TBC1D32: variants seen among roughly 807,000 people sequenced by gnomAD.
TBC1D32 encodes the protein TBC1 domain family member 32.
In TBC1D32, 151 loss-of-function variants were observed where a neutral mutation model predicts 170.3. That is an observed-to-expected ratio of 0.89 (90% CI 0.78 to 1.01). The LOEUF is 1.01. TBC1D32 is among the 50% of genes least tolerant of loss of function. The pLI is 0.00. For missense variants in TBC1D32, 1,464 were observed against 1,457.1 expected (o/e 1.00, Z -0.08); for synonymous variants, 498 against 488.0 (o/e 1.02, Z -0.27).
At chr6:121,313,105 G>GGTGTGTGTGTGT (rs71018125) in intron 3 of TBC1D32, among the ~76,000 whole-genome samples, 19 of 111,264 alleles carry the variant, frequency 1.7e-4, no homozygotes, top group African/African-American at 4.4e-4. Context: ...AAGCTAAGGT[G>GGTGTGTGTGTGT]GTGTGTGTGT....
At position 121,239,095 on chromosome 6, in the gene TBC1D32, T is replaced by A. The variant is rs774070072; in HGVS notation, c.2339A>T (p.Asp780Val). The stretch of plus-strand genomic sequence containing the variant: ...CTTTTGACAGCTTCGGTCAATAGGA[T>A]CCACTGGAGTAGTTCTGGGATGGGT... ...RVTHPRTTPV[D>V]PIDRSCQKSF... Residue 780 changes from aspartate to valine, a missense_variant, in exon 20 of 32, where the codon GAT (aspartate) becomes GTT (valine). This residue lies in a region of TBC1D32 where 1,363 missense variants were observed against 1,338.1 expected (regional missense o/e 1.02). Coordinates refer to ENST00000398212, the MANE Select transcript of TBC1D32 (RefSeq NM_152730.6). The A allele has an allele frequency of 6.3e-7, 1 of 1,597,908 alleles. No individual in the cohort carries two copies.
intron 15 of TBC1D32, among the ~76,000 whole-genome samples, chr6:121,258,070 A>ATGAAT (rs58516290): frequency 0.88 from 134,074 of 151,748 alleles, 59,677 homozygotes; most frequent in East Asian, 0.98. Context: ...TATTTCTATT[A>ATGAAT]TGAAGATTTA....
intron 29 of TBC1D32, among the ~76,000 whole-genome samples, chr6:121,110,773 G>A (rs1448178693): frequency 6.6e-6 from 1 of 152,146 alleles, no homozygotes; most frequent in Non-Finnish European, 1.5e-5. Context: ...AAGATTGTTA[G>A]TCAAAAACAT....
chr6:121,225,498 T>G lies in TBC1D32; in HGVS notation c.2365-2146A>C, dbSNP rs898915256. Among the ~76,000 whole-genome samples, 4 of 152,154 alleles carry G rather than the reference T, an allele frequency of 2.6e-5. No individual in the cohort carries two copies. In the South Asian group the frequency reaches 6.2e-4, roughly 24 times the overall value. On this transcript the variant is annotated intron_variant, in intron 20 of 31. Transcript: ENST00000398212. ...GAAAAATAAATATAACCTTTATAAA[T>G]CACATATATCAATAGTATATTGAGC...
In TBC1D32 at chr6:121,277,971, T is replaced by G. The variant is rs1006991225; in HGVS notation, c.1733+1150A>C. Among the ~76,000 whole-genome samples the G allele has an allele frequency of 2.6e-5, 4 of 151,856 alleles. No individual in the cohort carries two copies. The South Asian group carries it at 8.3e-4, about 31-fold the overall frequency. The stretch of plus-strand genomic sequence containing the variant: ...CAATGATATTAACAGGATAAGGAAA[T>G]ATTATGAACAATTCTGTGCCCACAG... On this transcript the variant is annotated intron_variant, in intron 15 of 31. Coordinates refer to ENST00000398212, the MANE Select transcript of TBC1D32 (RefSeq NM_152730.6).
chr6:121,247,708 A>AAAAAAAAAAAAAAAC, intron 17 of TBC1D32, among the ~76,000 whole-genome samples: 1 of 148,970 alleles, frequency 6.7e-6, no homozygotes, highest in Non-Finnish European at 1.5e-5. Flanking sequence ...AAAAAAAAAA[A>AAAAAAAAAAAAAAAC]AAAAAAAAAA....
At chr6:121,117,397 C>T (rs1444882516) in intron 26 of TBC1D32, among the ~76,000 whole-genome samples, 1 of 151,986 alleles carries the variant, frequency 6.6e-6, no homozygotes, top group Non-Finnish European at 1.5e-5. Flanking sequence ...GGGTTAGGGG[C>T]ATATATTTAA....
intron 12 of TBC1D32, among the ~76,000 whole-genome samples, chr6:121,288,215 C>A (rs1437045781): frequency 3.3e-5 from 5 of 152,098 alleles, no homozygotes. Context: ...AATCCAGGAG[C>A]TGGTTTTTTG....
chr6:121,334,702 G>A (rs1811667602), upstream of TBC1D32: 3 of 477,282 alleles, frequency 6.3e-6, no homozygotes, highest in African/African-American at 3.9e-5. Flanking sequence ...AGGCTCTCCC[G>A]ACTAACAACA....
At chr6:121,149,755 C>T (rs562512889) in intron 24 of TBC1D32, among the ~76,000 whole-genome samples, 3 of 152,262 alleles carry the variant, frequency 2.0e-5, no homozygotes, top group Non-Finnish European at 4.4e-5. Flanking sequence ...CTATCGGTTC[C>T]ACATGAAATT....
intron 15 of TBC1D32, among the ~76,000 whole-genome samples, chr6:121,269,333 T>C (rs1200607845): frequency 6.6e-6 from 1 of 151,660 alleles, no homozygotes; most frequent in African/African-American, 2.4e-5. Flanking sequence ...GGATAAAGAG[T>C]CAAGACCCAT....
chr6:121,313,670 A>G lies in TBC1D32; in HGVS notation c.496-2823T>C, dbSNP rs1360418511. Among the ~76,000 whole-genome samples, 4 of 152,124 alleles carry G rather than the reference A, an allele frequency of 2.6e-5. No homozygotes were observed. In the East Asian group the frequency reaches 7.7e-4, roughly 29 times the overall value. ...GAGATTTTTAAGATTTTATGACTCC[A>G]TCTTTTTGTGCTTACAAAACAAATA... On this transcript the variant is annotated intron_variant, in intron 3 of 31. Coordinates refer to ENST00000398212, the MANE Select transcript of TBC1D32 (RefSeq NM_152730.6).
Position 121,223,327 on chromosome 6 carries a change from A to T in TBC1D32, c.2390T>A (p.Leu797Ter). Residue 797 changes from leucine to a stop codon, truncating the protein, a stop_gained, in exon 21 of 32, where the codon TTA (leucine) becomes TAA (stop). Transcript: ENST00000398212. LOFTEE classifies it high-confidence loss of function. ...QKSFLALVNL[L>*]SYPAIYELVR... ...AAGCTCATAAATAGCAGGATAGGAT[A>T]ACAAGTTCACCAGTGCTAAAAAAGA... is the stretch of plus-strand genomic sequence containing the variant. 6.3e-7 allele frequency: 1 copy of T among 1,595,722 alleles called. No homozygotes were observed.
At position 121,089,461 on chromosome 6, in the gene TBC1D32, G is replaced by A. The variant is rs9398621; in HGVS notation, c.3654+1392C>T. On this transcript the variant is annotated intron_variant, in intron 31 of 31. Transcript: ENST00000398212. ...ACTGACCACTATAGATGATGAAAAC[G>A]TCCCTTACTGAAAATGAACCTACAT... is the stretch of plus-strand genomic sequence containing the variant. 3.9e-5 allele frequency among the ~76,000 whole-genome samples: 6 copies of A among 152,156 alleles called. No individual in the cohort carries two copies. The East Asian group carries it at 9.6e-4, about 24-fold the overall frequency.
chr6:121,243,567 T>G (rs1370543175), intron 17 of TBC1D32, among the ~76,000 whole-genome samples: 1 of 151,846 alleles, frequency 6.6e-6, no homozygotes, highest in Non-Finnish European at 1.5e-5. Flanking sequence ...TATTAAAAGT[T>G]TTAGTAACAA....
chr6:121,202,181 A>C (rs1434315964), intron 22 of TBC1D32, among the ~76,000 whole-genome samples: 1 of 150,720 alleles, frequency 6.6e-6, no homozygotes, highest in East Asian at 1.9e-4. Context: ...TTTAAGTGTA[A>C]TAAATTAAGA....
At chr6:121,092,511 G>T (rs1241449942) in intron 30 of TBC1D32, among the ~76,000 whole-genome samples, 1 of 151,846 alleles carries the variant, frequency 6.6e-6, no homozygotes, top group Non-Finnish European at 1.5e-5. Context: ...TGCTGATCCT[G>T]CTTTTAACTG....
At chr6:121,300,252 G>A (rs558258174) in intron 9 of TBC1D32, among the ~76,000 whole-genome samples, 3 of 151,926 alleles carry the variant, frequency 2.0e-5, no homozygotes, top group Non-Finnish European at 4.4e-5. Context: ...GTATGGTCTC[G>A]AAATGGCCAA....
chr6:121,175,981 C>T (rs1355629777), intron 22 of TBC1D32, among the ~76,000 whole-genome samples: 1 of 152,180 alleles, frequency 6.6e-6, no homozygotes, highest in Non-Finnish European at 1.5e-5. Context: ...TGGTTGAATA[C>T]CTACTAAGTG....
Sources: gnomAD v4.1 joint callset for allele counts (sites outside exome capture counted in the v4.1 genomes callset) on GRCh38, gnomAD v4.1.1 for gene constraint, gnomAD v4.1.1 regional missense constraint, MANE v1.5 for transcripts, NCBI Gene and HGNC (gene_info 2026-07-23, HGNC 2026-07-21) for gene names.